Variants in HDAC4 observed in about 807,000 individuals in gnomAD.
HDAC4 encodes histone deacetylase A.
A neutral mutation model predicts 135.1 loss-of-function variants in HDAC4; 16 were observed. The ratio of observed to expected loss-of-function variants is 0.12; its 90% confidence interval spans 0.08 to 0.18. The LOEUF (loss-of-function observed/expected upper bound fraction) is 0.18. Among genes scored for constraint, HDAC4 ranks in the 10% least tolerant of loss-of-function variants. HDAC4 has a pLI of 1.00. For synonymous variants in HDAC4, 685 were observed against 653.4 expected (o/e 1.05, Z -0.74); for missense variants, 1,143 against 1,511.8 (o/e 0.76, Z 4.05).
chr2:239,194,153 G>T (rs1351425368), intron 3 of HDAC4, among the ~76,000 whole-genome samples: 1 of 152,196 alleles, frequency 6.6e-6, no homozygotes, highest in Non-Finnish European at 1.5e-5. Flanking sequence ...GGATGCCAAG[G>T]AGGACAGGCA....
intron 2 of HDAC4, among the ~76,000 whole-genome samples, chr2:239,286,835 C>CA (rs926737797): frequency 4.4e-4 from 67 of 152,274 alleles, no homozygotes; most frequent in African/African-American, 1.6e-3. Context: ...AACTCACCTC[C>CA]AAGTTTTGCC....
At position 239,174,817 on chromosome 2, in the gene HDAC4, T is replaced by G. The variant is rs1380298539; in HGVS notation, c.490+1596A>C. Reference sequence around the variant, plus strand: ...AATATATAATAGATAATGAATGACCTCTTGCTAAATGCAAAATGGGGATGA... The same window carrying G: ...AATATATAATAGATAATGAATGACCGCTTGCTAAATGCAAAATGGGGATGA... On this transcript the variant is annotated intron_variant, in intron 5 of 26. Transcript: ENST00000543185. 9.2e-5 allele frequency among the ~76,000 whole-genome samples: 14 copies of G among 152,232 alleles called. No homozygotes were observed. In the East Asian group the frequency reaches 2.5e-3, roughly 27 times the overall value.
intron 19 of HDAC4, among the ~76,000 whole-genome samples, chr2:239,085,072 A>ACACACACACT (rs745393565): frequency 2.9e-4 from 41 of 142,328 alleles, no homozygotes; most frequent in South Asian, 1.6e-3. Context: ...ACACACACAC[A>ACACACACACT]CTCTCCTGCT....
chr2:239,082,572 A>G (rs1574950617), intron 20 of HDAC4, among the ~76,000 whole-genome samples: 1 of 152,218 alleles, frequency 6.6e-6, no homozygotes, highest in African/African-American at 2.4e-5. Flanking sequence ...TCAATTTCCT[A>G]CACCTGCCGT....
intron 3 of HDAC4, among the ~76,000 whole-genome samples, chr2:239,211,427 G>C (rs1480049715): frequency 2.6e-5 from 4 of 152,110 alleles, no homozygotes; most frequent in African/African-American, 9.7e-5. Context: ...AGGGTGGTCC[G>C]GGCCCCTGCA....
Position 239,331,055 on chromosome 2 carries a change from G to A in HDAC4, c.22+21623C>T, listed in dbSNP as rs570376208. 5.4e-4 allele frequency among the ~76,000 whole-genome samples: 79 copies of A among 146,612 alleles called. No individual in the cohort carries two copies. The highest frequency in any genetic ancestry group is 2.2e-3 in the African/African-American group (78 of 36,130). On this transcript the variant is annotated intron_variant, in intron 2 of 26. Coordinates refer to ENST00000543185, the MANE Select transcript of HDAC4 (RefSeq NM_001378414.1). This position sits in a 1 kb window ranked among gnomAD's most constrained non-coding sequence, Gnocchi z 4.5. ...GGCTGCCCGAAATTCGGAGTGGGGA[G>A]GAAGGCAGATATGCCTGAATACAGC...
rs1024123107 is a variant in HDAC4, at chr2:239,050,474, C to T, written c.*2623G>A. ...ATGAATGGGGAATGGACCAGCTCCTCTTGCCAATCTGGGCTTCAGAGCAAA... is the reference window on the plus strand; with the variant it reads ...ATGAATGGGGAATGGACCAGCTCCTTTTGCCAATCTGGGCTTCAGAGCAAA... On this transcript the variant is annotated 3_prime_UTR_variant, in exon 27 of 27. Coordinates refer to ENST00000543185, the MANE Select transcript of HDAC4 (RefSeq NM_001378414.1). The T allele has an allele frequency of 6.6e-6, 1 of 152,478 alleles. No individual in the cohort carries two copies. The highest frequency in any genetic ancestry group is 1.5e-5 in the Non-Finnish European group (1 of 68,100). The allele number at this position is 152,478 out of a possible 1,614,324, so 9.4% of individuals were successfully genotyped here. A position where few individuals can be genotyped will look rare whatever the true frequency, so the allele number is the denominator to read the frequency against.
intron 1 of HDAC4, among the ~76,000 whole-genome samples, chr2:239,394,805 T>G (rs1257205228): frequency 6.6e-6 from 1 of 152,254 alleles, no homozygotes; most frequent in African/African-American, 2.4e-5. Context: ...CATTCATTCA[T>G]TCACTCATTC....
intron 1 of HDAC4, among the ~76,000 whole-genome samples, chr2:239,359,980 C>T (rs891059342): frequency 2.0e-5 from 3 of 152,186 alleles, no homozygotes; most frequent in African/African-American, 4.8e-5. Flanking sequence ...ACCCAAGGTA[C>T]ACCTGTTAGG....
chr2:239,056,853 A>G (rs1437145530), intron 24 of HDAC4, among the ~76,000 whole-genome samples: 1 of 152,274 alleles, frequency 6.6e-6, no homozygotes, highest in Non-Finnish European at 1.5e-5. Context: ...AGCGAATGGC[A>G]TTTCGATCCT....
chr2:239,060,624 C>T (rs1464625106), intron 24 of HDAC4, among the ~76,000 whole-genome samples: 1 of 152,266 alleles, frequency 6.6e-6, no homozygotes, highest in East Asian at 1.9e-4. Context: ...GGTCACGCCA[C>T]TGCTGAAGAC....
chr2:239,125,361 C>T (rs756563407), intron 12 of HDAC4, among the ~76,000 whole-genome samples: 19 of 152,204 alleles, frequency 1.2e-4, no homozygotes, highest in Non-Finnish European at 2.2e-4. Flanking sequence ...GCTCCCCCTT[C>T]GCCTACCACA....
chr2:239,266,335 A>G (rs1368244332), intron 2 of HDAC4, among the ~76,000 whole-genome samples: 2 of 152,100 alleles, frequency 1.3e-5, no homozygotes, highest in African/African-American at 4.8e-5. Context: ...ACTGTCCTCA[A>G]TGCCCTGCAC....
intron 12 of HDAC4, among the ~76,000 whole-genome samples, chr2:239,123,290 C>T (rs969788357): frequency 1.3e-5 from 2 of 152,246 alleles, no homozygotes; most frequent in African/African-American, 4.8e-5. Context: ...GACACGCCCA[C>T]AGCCTGTGCC....
intron 20 of HDAC4, among the ~76,000 whole-genome samples, chr2:239,083,818 G>C (rs960236745): frequency 1.3e-5 from 2 of 152,234 alleles, no homozygotes; most frequent in Admixed American, 1.3e-4. Flanking sequence ...GTCCTCCCAG[G>C]CTCCCAGGCC....
intron 6 of HDAC4, among the ~76,000 whole-genome samples, chr2:239,159,153 A>G (rs2152956980): frequency 6.7e-6 from 1 of 148,362 alleles, no homozygotes; most frequent in African/African-American, 2.5e-5. Flanking sequence ...AACTACTCAC[A>G]CCTGCACCTC....
chr2:239,355,425 T>C (rs985518320), intron 1 of HDAC4, among the ~76,000 whole-genome samples: 3 of 152,230 alleles, frequency 2.0e-5, no homozygotes, highest in Non-Finnish European at 4.4e-5. Context: ...TTATTCCTTA[T>C]GGCTTCAAAT....
chr2:239,399,706 G>A (rs1182679984), intron 1 of HDAC4, among the ~76,000 whole-genome samples: 5 of 152,182 alleles, frequency 3.3e-5, no homozygotes, highest in Non-Finnish European at 5.9e-5. Flanking sequence ...AGAGAAAAAC[G>A]GGGCGGCAAA....
chr2:239,159,538 C>T (rs960259330), intron 6 of HDAC4, among the ~76,000 whole-genome samples: 5 of 151,438 alleles, frequency 3.3e-5, no homozygotes, highest in African/African-American at 1.2e-4. Context: ...CACCCCACCT[C>T]CCACACACAC....
Sources: allele counts gnomAD v4.1 joint callset (sites outside exome capture counted in the v4.1 genomes callset), GRCh38; gene constraint gnomAD v4.1.1; non-coding constraint Gnocchi (gnomAD v3.1); transcripts MANE v1.5; gene names NCBI Gene and HGNC (gene_info 2026-07-23, HGNC 2026-07-21).